Variants in PDE4D observed in about 807,000 individuals in gnomAD.
PDE4D encodes the protein phosphodiesterase 4D, also known as 3',5'-cyclic-AMP phosphodiesterase 4D.
Under a neutral mutation model 87.4 loss-of-function variants are expected in PDE4D, and 24 were observed. The ratio of observed to expected loss-of-function variants is 0.27; its 90% CI spans 0.20 to 0.39. The LOEUF is 0.39. Ranked by LOEUF, PDE4D falls within the 10% of genes least tolerant of loss-of-function variation. The pLI is 1.00. For synonymous variants in PDE4D, 384 were observed against 383.2 expected, an observed-to-expected ratio of 1.00 and a Z score of -0.02; for missense variants, 714 against 1,041.0, an observed-to-expected ratio of 0.69 and a Z score of 4.32.
intron 1 of PDE4D, among the ~76,000 whole-genome samples, chr5:60,255,633 T>C (rs1424055265): frequency 1.3e-5 from 2 of 151,772 alleles, no homozygotes; most frequent in Non-Finnish European, 2.9e-5. Flanking sequence ...TTATAAGAAG[T>C]AAATAACTCA....
At chr5:60,352,878 C>T (rs1473831547) in intron 1 of PDE4D, among the ~76,000 whole-genome samples, 2 of 152,086 alleles carry the variant, frequency 1.3e-5, no homozygotes, top group Non-Finnish European at 2.9e-5. Flanking sequence ...TCTAGTGGTA[C>T]TCCCACAAAT....
chr5:59,866,661 A>C (rs1440180426), intron 1 of PDE4D, among the ~76,000 whole-genome samples: 1 of 152,164 alleles, frequency 6.6e-6, no homozygotes, highest in Admixed American at 6.6e-5. Flanking sequence ...AAAAAATAAA[A>C]ATAAAAATAA....
At chr5:59,113,386 A>C (rs1773019447) in intron 5 of PDE4D, among the ~76,000 whole-genome samples, 1 of 152,248 alleles carries the variant, frequency 6.6e-6, no homozygotes, top group Non-Finnish European at 1.5e-5. Context: ...TTCAAAAATC[A>C]TGTTAAACCT....
intron 6 of PDE4D, among the ~76,000 whole-genome samples, chr5:59,015,333 G>T (rs1753751235): frequency 6.6e-6 from 1 of 151,964 alleles, no homozygotes; most frequent in South Asian, 2.1e-4. Context: ...AGAGTGAACA[G>T]GCAACCTACA....
chr5:59,714,248 G>C (rs947114296), intron 1 of PDE4D, among the ~76,000 whole-genome samples: 4 of 152,232 alleles, frequency 2.6e-5, no homozygotes, highest in African/African-American at 4.8e-5. Context: ...TCTTAACTTT[G>C]TGGAGATAAC....
intron 1 of PDE4D, among the ~76,000 whole-genome samples, chr5:60,428,669 G>A (rs1028894571): frequency 6.6e-6 from 1 of 152,232 alleles, no homozygotes; most frequent in African/African-American, 2.4e-5. Flanking sequence ...TACTTCTCAC[G>A]ATGATATAAA....
chr5:59,244,538 A>C (rs1187200110), intron 1 of PDE4D, among the ~76,000 whole-genome samples: 18 of 149,810 alleles, frequency 1.2e-4, no homozygotes, highest in East Asian at 3.9e-4. Flanking sequence ...CTCTCTCTCT[A>C]TATACACACA....
chr5:59,777,003 C>A (rs1408848793), intron 1 of PDE4D, among the ~76,000 whole-genome samples: 1 of 152,174 alleles, frequency 6.6e-6, no homozygotes, highest in Non-Finnish European at 1.5e-5. Context: ...GGCTCTAAAT[C>A]CACCTGCATC....
intron 1 of PDE4D, among the ~76,000 whole-genome samples, chr5:60,267,253 T>C (rs1750313935): frequency 6.6e-6 from 1 of 152,224 alleles, no homozygotes; most frequent in Non-Finnish European, 1.5e-5. Flanking sequence ...AGTTATTATC[T>C]ATCAGGGTCT....
chr5:59,314,763 G>A (rs1261754038), intron 1 of PDE4D: 1 of 152,136 alleles, frequency 6.6e-6, no homozygotes, highest in Admixed American at 6.6e-5. Flanking sequence ...TGCTCACATG[G>A]TTCCTCCCCT....
At chr5:60,117,036 T>A (rs1425104052) in intron 2 of PDE4D, among the ~76,000 whole-genome samples, 1 of 99,862 alleles carries the variant, frequency 1.0e-5, no homozygotes, top group East Asian at 2.0e-4. Flanking sequence ...TACCCAAAAT[T>A]GCATATTTCT....
At chr5:59,362,709 C>T (rs776228522) in intron 1 of PDE4D, among the ~76,000 whole-genome samples, 8 of 152,118 alleles carry the variant, frequency 5.3e-5, no homozygotes, top group Admixed American at 2.6e-4. Context: ...TTGTTGGCCA[C>T]GTACCAAATA....
chr5:60,321,896 T>A (rs1756309893), intron 1 of PDE4D, among the ~76,000 whole-genome samples: 1 of 151,690 alleles, frequency 6.6e-6, no homozygotes, highest in African/African-American at 2.4e-5. Flanking sequence ...AAATACTGTT[T>A]TTTTTTTTAA....
intron 1 of PDE4D, among the ~76,000 whole-genome samples, chr5:59,750,258 T>C (rs1381200556): frequency 2.0e-5 from 3 of 152,102 alleles, no homozygotes; most frequent in Non-Finnish European, 4.4e-5. Flanking sequence ...TGATAGACTG[T>C]GTCCCTTCCT....
intron 6 of PDE4D, 99 bp downstream of exon 6, chr5:59,038,760 A>C (rs1405319790): frequency 4.1e-6 from 5 of 1,208,000 alleles, no homozygotes; most frequent in Non-Finnish European, 5.5e-6. Context: ...AAGCCTAAAA[A>C]ACCTCTCAAT....
chr5:59,891,125 T>C (rs529408751), intron 1 of PDE4D, among the ~76,000 whole-genome samples: 64 of 152,336 alleles, frequency 4.2e-4, no homozygotes, highest in African/African-American at 1.3e-3. Flanking sequence ...ATAAATATTA[T>C]ACATCTTAGT....
rs201794571 is a variant in PDE4D, at chr5:60,165,614, CAG to C, written c.42+19941_42+19942del. 4.0e-3 allele frequency among the ~76,000 whole-genome samples: 603 copies of C among 151,518 alleles called. 4 individuals are homozygous for C. Among genetic ancestry groups the C allele is most frequent in the African/African-American group, 0.014 (577 of 41,424 alleles). ...ATTTGGGGTATTATGGAAATTTTAA[CAG>C]TATTGATTATTTGAATCCATGAACA... On this transcript the variant is annotated intron_variant, in intron 2 of 16. Coordinates refer to the PDE4D transcript ENST00000502484.
chr5:59,975,597 A>G (rs973478763), intron 3 of PDE4D, among the ~76,000 whole-genome samples: 1 of 152,106 alleles, frequency 6.6e-6, no homozygotes, highest in African/African-American at 2.4e-5. Flanking sequence ...CTTATATTGC[A>G]CCTGCTTTCC....
intron 1 of PDE4D, among the ~76,000 whole-genome samples, chr5:59,490,808 G>A (rs1355735188): frequency 6.6e-6 from 1 of 152,178 alleles, no homozygotes; most frequent in Non-Finnish European, 1.5e-5. Context: ...GGCAACTGAC[G>A]TGGTACCACG....
Sources: gnomAD v4.1 joint callset for allele counts (sites outside exome capture counted in the v4.1 genomes callset) on GRCh38, gnomAD v4.1.1 for gene constraint, MANE v1.5 for transcripts, NCBI Gene and HGNC (gene_info 2026-07-23, HGNC 2026-07-21) for gene names.